Variants in MTHFD1L observed in about 807,000 individuals in gnomAD.
The protein encoded by MTHFD1L is methylenetetrahydrofolate dehydrogenase (NADP+ dependent) 1 like.
A neutral mutation model predicts 119.5 loss-of-function variants in MTHFD1L; 81 were observed. That is an observed-to-expected ratio of 0.68 (90% CI 0.57 to 0.82). The LOEUF (loss-of-function observed/expected upper bound fraction) is 0.82, where lower values mean the gene tolerates loss of function less well. Among genes scored for constraint, MTHFD1L ranks in the 40% least tolerant of loss-of-function variants. The probability of loss-of-function intolerance (pLI) is 0.00; values close to 1 mark genes in which losing one functional copy is unlikely to be tolerated. For synonymous variants in MTHFD1L, 430 were observed against 475.2 expected (o/e 0.90, Z 1.24); for missense variants, 1,125 against 1,253.4 (o/e 0.90, Z 1.55).
chr6:151,060,091 T>C (rs1336208828), intron 26 of MTHFD1L, among the ~76,000 whole-genome samples: 2 of 152,194 alleles, frequency 1.3e-5, no homozygotes, highest in Non-Finnish European at 2.9e-5. Context: ...ACATAGTAAA[T>C]AATTGCATTG....
intron 19 of MTHFD1L, among the ~76,000 whole-genome samples, chr6:150,968,381 TAATA>T (rs778184388): frequency 2.0e-5 from 3 of 152,266 alleles, no homozygotes; most frequent in Non-Finnish European, 2.9e-5. Flanking sequence ...ACACATTTAT[TAATA>T]AATAACTGAA....
chr6:151,006,112 G>A (rs1414016854), intron 20 of MTHFD1L, among the ~76,000 whole-genome samples: 1 of 151,964 alleles, frequency 6.6e-6, no homozygotes, highest in Non-Finnish European at 1.5e-5. Flanking sequence ...CCCTCCATGT[G>A]GGAGACGGCA....
At chr6:150,962,914 CTTTTTTTTT>C (rs4035893) in intron 18 of MTHFD1L, among the ~76,000 whole-genome samples, 4 of 114,148 alleles carry the variant, frequency 3.5e-5, no homozygotes, top group African/African-American at 1.0e-4. Flanking sequence ...CTTTTCTTTT[CTTTTTTTTT>C]TTTTTTTTTT....
At chr6:151,006,539 A>G (rs1336755697) in intron 20 of MTHFD1L, among the ~76,000 whole-genome samples, 3 of 152,136 alleles carry the variant, frequency 2.0e-5, no homozygotes, top group Non-Finnish European at 4.4e-5. Flanking sequence ...CATGGTGACT[A>G]CACGGGCGCA....
chr6:150,931,268 C>CTTTTTTTT (rs370763551), intron 11 of MTHFD1L, among the ~76,000 whole-genome samples: 3 of 123,732 alleles, frequency 2.4e-5, no homozygotes, highest in Non-Finnish European at 1.7e-5. Context: ...ATCATTTCAT[C>CTTTTTTTT]TTTTTTTTTT....
At chr6:150,870,545 C>T (rs969052075) in intron 1 of MTHFD1L, among the ~76,000 whole-genome samples, 1 of 152,136 alleles carries the variant, frequency 6.6e-6, no homozygotes, top group Non-Finnish European at 1.5e-5. Context: ...TGTAGTTTCC[C>T]AGTGCATATA....
chr6:150,920,765 C>T (rs911396846), intron 9 of MTHFD1L, among the ~76,000 whole-genome samples: 8 of 151,210 alleles, frequency 5.3e-5, no homozygotes, highest in African/African-American at 1.5e-4. Flanking sequence ...AACACTTAAT[C>T]TATTTATTTA....
intron 26 of MTHFD1L, among the ~76,000 whole-genome samples, chr6:151,061,465 G>A (rs77319581): frequency 0.032 from 4,893 of 152,250 alleles, 158 homozygotes; most frequent in Admixed American, 0.099. Context: ...TTTTGTTTGT[G>A]AAATTTAGGC....
At chr6:151,083,007 A>G (rs1363340977) in intron 26 of MTHFD1L, among the ~76,000 whole-genome samples, 2 of 152,122 alleles carry the variant, frequency 1.3e-5, no homozygotes, top group Non-Finnish European at 2.9e-5. Context: ...CTCCTTCCTA[A>G]TGGGCTCAGG....
intron 24 of MTHFD1L, among the ~76,000 whole-genome samples, chr6:151,017,830 C>CTTTTTTTTTTTTTTTTTT (rs895364993): frequency 3.0e-5 from 3 of 98,974 alleles, no homozygotes; most frequent in African/African-American, 8.2e-5. Context: ...ACCGTGTTTT[C>CTTTTTTTTTTTTTTTTTT]TTTTTTTTTT....
intron 12 of MTHFD1L, among the ~76,000 whole-genome samples, chr6:150,938,173 A>C (rs937839085): frequency 6.6e-6 from 1 of 151,780 alleles, no homozygotes; most frequent in African/African-American, 2.4e-5. Context: ...ACCCGCCACC[A>C]TGCCTAGCTA....
At chr6:151,070,964 G>T (rs1791883010) in intron 26 of MTHFD1L, among the ~76,000 whole-genome samples, 1 of 152,146 alleles carries the variant, frequency 6.6e-6, no homozygotes, top group Non-Finnish European at 1.5e-5. Flanking sequence ...AATCCCCTCT[G>T]CCTACAGGGA....
At chr6:150,938,863 C>A (rs906563290) in intron 13 of MTHFD1L, 118 bp downstream of exon 13, 20 of 1,144,664 alleles carry the variant, frequency 1.7e-5, no homozygotes, top group South Asian at 1.6e-4. Context: ...GTCATTAAGG[C>A]TCTGAAACCC....
intron 17 of MTHFD1L, among the ~76,000 whole-genome samples, chr6:150,958,812 T>C (rs1796018443): frequency 6.6e-6 from 1 of 152,232 alleles, no homozygotes; most frequent in Non-Finnish European, 1.5e-5. Context: ...ATGCACGTCA[T>C]TTAGTCATTA....
At chr6:151,069,158 A>G (rs775709532) in intron 26 of MTHFD1L, among the ~76,000 whole-genome samples, 2 of 152,132 alleles carry the variant, frequency 1.3e-5, no homozygotes, top group South Asian at 2.1e-4. Context: ...ATTTTATATC[A>G]TAAGTACAGC....
At chr6:151,004,143 G>A (rs1454620687) in intron 20 of MTHFD1L, among the ~76,000 whole-genome samples, 1 of 151,888 alleles carries the variant, frequency 6.6e-6, no homozygotes, top group African/African-American at 2.4e-5. Flanking sequence ...AGGAGTTCGA[G>A]ACCAGCCTGG....
intron 20 of MTHFD1L, among the ~76,000 whole-genome samples, chr6:150,998,740 G>A (rs972168423): frequency 1.5e-4 from 23 of 149,492 alleles, no homozygotes. Flanking sequence ...ATTTTGGGAG[G>A]CCAGGGCAGG....
chr6:151,092,520 T>G lies in MTHFD1L; in HGVS notation c.2901T>G (p.Leu967=). 7.4e-6 allele frequency: 12 copies of G among 1,614,190 alleles called. No homozygotes were observed. The highest frequency in any genetic ancestry group is 1.0e-5 in the Non-Finnish European group (12 of 1,180,038). The stretch of plus-strand genomic sequence containing the variant: ...GGCCCTGCTTTTATGACATAGATCT[T>G]GATACCGAAACAGAACAAGTTAAAG... The part of the protein sequence containing the change: ...PTRPCFYDID[L]DTETEQVKGL... Residue 967 remains leucine (L), a synonymous_variant, in exon 27 of 28, where the codon CTT becomes CTG. Transcript: ENST00000367321.
intron 20 of MTHFD1L, among the ~76,000 whole-genome samples, chr6:150,976,933 A>G (rs1191633653): frequency 6.6e-6 from 1 of 152,252 alleles, no homozygotes; most frequent in African/African-American, 2.4e-5. Flanking sequence ...ACTTCTATGT[A>G]TACTCTGGAA....
Sources: allele counts gnomAD v4.1 joint callset (sites outside exome capture counted in the v4.1 genomes callset), GRCh38; gene constraint gnomAD v4.1.1; transcripts MANE v1.5; gene names NCBI Gene and HGNC (gene_info 2026-07-23, HGNC 2026-07-21).